Variants in TMEM209 observed in about 807,000 individuals in gnomAD.
TMEM209 encodes the protein transmembrane protein 209, also known as testicular tissue protein Li 202.
Under a neutral mutation model 76.2 loss-of-function variants are expected in TMEM209, and 65 were observed. That is an observed-to-expected ratio of 0.85 (90% CI 0.70 to 1.05). The LOEUF (loss-of-function observed/expected upper bound fraction) is 1.05. Ranked by LOEUF, TMEM209 falls within the 50% of genes least tolerant of loss-of-function variation. The probability of loss-of-function intolerance (pLI) is 0.00; values close to 1 mark genes in which losing one functional copy is unlikely to be tolerated. For synonymous variants in TMEM209, 239 were observed against 237.6 expected (o/e 1.01, Z -0.06); for missense variants, 623 against 685.5 (o/e 0.91, Z 1.02).
At position 130,202,029 on chromosome 7, in the gene TMEM209, G is replaced by A. The variant is rs760390416; in HGVS notation, c.394C>T (p.Pro132Ser). The A allele has an allele frequency of 4.3e-6, 7 of 1,613,906 alleles. No homozygotes were observed. The highest frequency in any genetic ancestry group is 4.5e-5 in the East Asian group (2 of 44,884). Residue 132 changes from proline (P) to serine (S), a missense_variant, in exon 5 of 15, where the codon CCT (proline) becomes TCT (serine). Coordinates refer to ENST00000397622, the MANE Select transcript of TMEM209 (RefSeq NM_032842.4). ...ATQIPPAPPS[P>S]SIQGQSVLSY... Reference sequence around the variant, plus strand: ...AACACACTCTGACCCTGAATTGAAGGGGAAGGTGGAGCGGGAGGGATTTGG... The same window carrying A: ...AACACACTCTGACCCTGAATTGAAGAGGAAGGTGGAGCGGGAGGGATTTGG...
At position 130,196,326 on chromosome 7, in the gene TMEM209, CTT is replaced by C. The variant is rs66615411; in HGVS notation, c.574-3505_574-3504del. 6.0e-4 allele frequency among the ~76,000 whole-genome samples: 86 copies of C among 143,586 alleles called. No individual in the cohort carries two copies. In the East Asian group the frequency reaches 0.011, roughly 18 times the overall value. 94.2% of individuals were successfully genotyped at this position (143,586 alleles called of 152,430 possible). ...TTTCTACTTCTTAGCCAATTTTTGG[CTT>C]TTTTTTTTTTTCCAAGAAAAGTAAT... On this transcript the variant is annotated intron_variant, in intron 5 of 14. Coordinates refer to ENST00000397622, the MANE Select transcript of TMEM209 (RefSeq NM_032842.4).
At chr7:130,167,867 T>C (rs1488462406) in intron 14 of TMEM209, among the ~76,000 whole-genome samples, 1 of 152,186 alleles carries the variant, frequency 6.6e-6, no homozygotes, top group Non-Finnish European at 1.5e-5. Flanking sequence ...TTTTAACTAT[T>C]TGTTTTAGGA....
At chr7:130,190,628 T>A (rs532575660) in intron 6 of TMEM209, among the ~76,000 whole-genome samples, 7 of 149,764 alleles carry the variant, frequency 4.7e-5, no homozygotes, top group Admixed American at 4.0e-4. Context: ...AATGATGAAA[T>A]TGGAAAGCTC....
Position 130,165,782 on chromosome 7 carries a change from G to A in TMEM209, c.*669C>T, listed in dbSNP as rs1048279655. ...TGTTAAATAAAATAACTGAGGCTGG[G>A]CGCAGTGGCTCGCACCTATAATCCC... is the stretch of plus-strand genomic sequence containing the variant. On this transcript the variant is annotated 3_prime_UTR_variant, in exon 15 of 15. Transcript: ENST00000397622. 3 of 151,888 alleles carry A rather than the reference G, an allele frequency of 2.0e-5. No homozygotes were observed. Among genetic ancestry groups the A allele is most frequent in the African/African-American group, 7.3e-5 (3 of 41,326 alleles). 9.4% of individuals were successfully genotyped at this position (151,888 alleles called of 1,614,324 possible).
At position 130,202,072 on chromosome 7, in the gene TMEM209, T is replaced by C. The variant is rs549217770; in HGVS notation, c.351A>G (p.Pro117=). 12 of 1,613,420 alleles carry C rather than the reference T, an allele frequency of 7.4e-6. No homozygotes were observed. The highest frequency in any genetic ancestry group is 2.2e-5 in the South Asian group (2 of 91,042). The part of the protein sequence containing the change: ...LKTAVVQTTP[P]HDLAATQIPP... Reference sequence around the variant, plus strand: ...GGATTTGGGTTGCTGCCAGATCATGTGGAGGCGTAGTCTGTACAACTAGAA... The same window carrying C: ...GGATTTGGGTTGCTGCCAGATCATGCGGAGGCGTAGTCTGTACAACTAGAA... Residue 117 remains proline, a synonymous_variant, in exon 5 of 15, where the codon CCA becomes CCG. Coordinates refer to ENST00000397622, the MANE Select transcript of TMEM209 (RefSeq NM_032842.4).
chr7:130,200,230 G>C (rs900340053), intron 5 of TMEM209, among the ~76,000 whole-genome samples: 2 of 151,912 alleles, frequency 1.3e-5, no homozygotes, highest in African/African-American at 4.8e-5. Context: ...CAAAAGACAA[G>C]CGAGTAAAGC....
rs775748044 is a variant in TMEM209, at chr7:130,204,005, C to A, written c.109G>T (p.Val37Leu). ...KVVLAWGLLN[V>L]SMAGMIYTEM... is the part of the protein sequence containing the mutation. ...GTATATATCATTCCAGCCATAGATA[C>A]ATTTAGGAGTCCCCAGGCTAAGACC... is the stretch of plus-strand genomic sequence containing the variant. The change falls in exon 2 of 15, where the codon GTA (valine) becomes TTA (leucine). Residue 37 changes from valine (V) to leucine (L), a missense_variant. Coordinates refer to ENST00000397622, the MANE Select transcript of TMEM209 (RefSeq NM_032842.4). 2 of 1,613,612 alleles carry A rather than the reference C, an allele frequency of 1.2e-6. No individual in the cohort carries two copies. Among genetic ancestry groups the A allele is most frequent in the African/African-American group, 1.3e-5 (1 of 74,914 alleles).
chr7:130,202,503 C>T, intron 4 of TMEM209, 29 bp downstream of exon 4: 1 of 1,574,376 alleles, frequency 6.4e-7, no homozygotes, highest in Non-Finnish European at 8.6e-7. Context: ...ACCTTTTCCC[C>T]ACCTTTGCAA....
chr7:130,195,700 C>T (rs1417266318), intron 5 of TMEM209, among the ~76,000 whole-genome samples: 2 of 150,550 alleles, frequency 1.3e-5, no homozygotes, highest in African/African-American at 4.9e-5. Flanking sequence ...TCACATTGTC[C>T]TATTTGTTTT....
In TMEM209 at chr7:130,170,396, C is replaced by A; in HGVS notation, c.1631+4G>T. 6.2e-7 allele frequency: 1 copy of A among 1,609,302 alleles called. No individual in the cohort carries two copies. Among genetic ancestry groups the A allele is most frequent in the South Asian group, 1.1e-5 (1 of 90,346 alleles). Reference sequence around the variant, plus strand: ...ACTTACGTTTTTAAAGCATAAGTACCTACCCAAGCATTCCTGACTCTTTGG... The same window carrying A: ...ACTTACGTTTTTAAAGCATAAGTACATACCCAAGCATTCCTGACTCTTTGG... On this transcript the variant is annotated splice_donor_region_variant and intron_variant, in intron 14 of 14. Transcript: ENST00000397622.
rs1461785717 is a variant in TMEM209 at position 130,184,216 on chromosome 7, G to A, written c.991C>T (p.His331Tyr). 1.2e-6 allele frequency: 2 copies of A among 1,607,406 alleles called. No individual in the cohort carries two copies. The highest frequency in any genetic ancestry group is 1.7e-6 in the Non-Finnish European group (2 of 1,177,294). Residue 331 changes from histidine (H) to tyrosine (Y), a missense_variant, in exon 8 of 15, where the codon CAT becomes TAT. His to Tyr is a moderately conservative substitution (Grantham distance 83). Transcript: ENST00000397622. Reference protein sequence around the residue: ...RVAMNRQLLDHMDSWTAKFRN... With the variant: ...RVAMNRQLLDYMDSWTAKFRN... ...AATTTAGCTGTCCATGAATCCATAT[G>A]ATCAAGAAGTTGTCTATTCATAGCC...
intron 6 of TMEM209, chr7:130,192,362 T>C: frequency 2.4e-6 from 1 of 421,076 alleles, no homozygotes; most frequent in Non-Finnish European, 4.4e-6. Context: ...GCCTCAACTT[T>C]AAATAGAAAT....
At chr7:130,175,474 GTAAA>G (rs759003070) in intron 11 of TMEM209, 34 bp downstream of exon 11, 1 of 1,563,894 alleles carries the variant, frequency 6.4e-7, no homozygotes, top group South Asian at 1.2e-5. Context: ...TCAATCAACA[GTAAA>G]TAAATAAATG....
intron 5 of TMEM209, among the ~76,000 whole-genome samples, chr7:130,200,697 C>T (rs912649301): frequency 1.3e-5 from 2 of 151,948 alleles, no homozygotes; most frequent in African/African-American, 4.8e-5. Context: ...TCACATTTAC[C>T]TATGAGTTAT....
chr7:130,174,787 A>C (rs910584965), intron 11 of TMEM209, among the ~76,000 whole-genome samples: 4 of 152,224 alleles, frequency 2.6e-5, no homozygotes. Context: ...AGATCAAAAA[A>C]CAAGTAAAAA....
chr7:130,181,978 T>C (rs1297890518), intron 8 of TMEM209: 2 of 317,004 alleles, frequency 6.3e-6, no homozygotes, highest in Non-Finnish European at 1.2e-5. Flanking sequence ...TTCGCTCTTG[T>C]TGCCCAGGCT....
In TMEM209 at chr7:130,173,857, G is replaced by T. The variant is rs1334596377; in HGVS notation, c.1427C>A (p.Ser476Tyr). ...ATTTGGTGTCTGAACAAAGTGCTGA[G>T]AAGTAAAAGTTTTTCCGTCGGGATA... Reference protein sequence around the residue: ...PKYPDGKTFTSQHFVQTPNKP... With the variant: ...PKYPDGKTFTYQHFVQTPNKP... The change falls in exon 12 of 15, where the codon TCT (serine) becomes TAT (tyrosine). Residue 476 changes from serine (S) to tyrosine (Y), a missense_variant. Transcript: ENST00000397622. The T allele has an allele frequency of 6.2e-7, 1 of 1,613,934 alleles. No individual in the cohort carries two copies. The highest frequency in any genetic ancestry group is 1.1e-5 in the South Asian group (1 of 91,078).
chr7:130,188,564 C>T (rs1797686881), intron 6 of TMEM209, among the ~76,000 whole-genome samples: 1 of 145,216 alleles, frequency 6.9e-6, no homozygotes, highest in Non-Finnish European at 1.5e-5. Context: ...CCACTGCACT[C>T]CAGCCGGGGT....
At chr7:130,199,322 A>G (rs1459887668) in intron 5 of TMEM209, among the ~76,000 whole-genome samples, 2 of 151,762 alleles carry the variant, frequency 1.3e-5, no homozygotes, top group Non-Finnish European at 1.5e-5. Context: ...GGTTCACGCC[A>G]TTCTCCTGCC....
Sources: allele counts gnomAD v4.1 joint callset (sites outside exome capture counted in the v4.1 genomes callset), GRCh38; gene constraint gnomAD v4.1.1; transcripts MANE v1.5; gene names NCBI Gene and HGNC (gene_info 2026-07-23, HGNC 2026-07-21).